SERTM1: variants seen among roughly 807,000 people sequenced by gnomAD.
SERTM1 encodes serine-rich and transmembrane domain-containing protein 1.
SERTM1 carries 1 observed loss-of-function variant against 5.5 expected under a neutral mutation model. The observed-to-expected ratio is 0.18, with a 90% CI of 0.06 to 0.86. SERTM1 has a LOEUF of 0.86. Among genes scored for constraint, SERTM1 ranks in the 40% least tolerant of loss-of-function variants. The probability of loss-of-function intolerance (pLI) is 0.69; values close to 1 mark genes in which losing one functional copy is unlikely to be tolerated. For missense variants in SERTM1, 91 were observed against 122.4 expected (o/e 0.74, Z 1.21); for synonymous variants, 52 against 55.1 (o/e 0.94, Z 0.25).
rs1428587335 is a variant in SERTM1 at position 36,696,465 on chromosome 13, A to G, written c.*1063A>G. ...TGCGTCTCTGATAATTAGTTGTTGT[A>G]TGTTAACATAATACTCTACATTAGG... On this transcript the variant is annotated 3_prime_UTR_variant, in exon 2 of 2. Transcript: ENST00000315190. 6.0e-6 allele frequency: 1 copy of G among 166,926 alleles called. No homozygotes were observed. The highest frequency in any genetic ancestry group is 2.4e-5 in the African/African-American group (1 of 41,450). The allele number at this position is 166,926 out of a possible 1,614,324, so 10.3% of individuals were successfully genotyped here.
intron 1 of SERTM1, among the ~76,000 whole-genome samples, chr13:36,679,390 T>A (rs1019588122): frequency 5.9e-5 from 9 of 152,078 alleles, no homozygotes; most frequent in African/African-American, 2.2e-4. Context: ...TTTGTTTGTT[T>A]GTTTTGTTTT....
chr13:36,681,408 T>C (rs2056704314), intron 1 of SERTM1, among the ~76,000 whole-genome samples: 1 of 152,212 alleles, frequency 6.6e-6, no homozygotes, highest in Non-Finnish European at 1.5e-5. Context: ...AAGTAGCACT[T>C]TGTAGTCAAA....
intron 1 of SERTM1, among the ~76,000 whole-genome samples, chr13:36,676,484 A>C (rs2056670804): frequency 6.6e-6 from 1 of 152,170 alleles, no homozygotes; most frequent in Admixed American, 6.5e-5. Context: ...GAAGAAGTGA[A>C]AAATAAAATT....
At chr13:36,675,383 T>G (rs2056663492) in intron 1 of SERTM1, among the ~76,000 whole-genome samples, 1 of 152,158 alleles carries the variant, frequency 6.6e-6, no homozygotes, top group South Asian at 2.1e-4. Flanking sequence ...TTCTCCTAGG[T>G]GCCTTCTCCT....
At chr13:36,690,643 A>G (rs564315813) in intron 1 of SERTM1, among the ~76,000 whole-genome samples, 5 of 152,240 alleles carry the variant, frequency 3.3e-5, no homozygotes, top group Non-Finnish European at 7.3e-5. Context: ...TCTAAATAGA[A>G]TGAAAAACAG....
chr13:36,675,426 G>T (rs2056663758), intron 1 of SERTM1, among the ~76,000 whole-genome samples: 1 of 152,166 alleles, frequency 6.6e-6, no homozygotes. Flanking sequence ...TCAGACAACA[G>T]CCTGTCAACA....
chr13:36,684,211 C>A (rs531064447), intron 1 of SERTM1, among the ~76,000 whole-genome samples: 15 of 152,112 alleles, frequency 9.9e-5, no homozygotes, highest in African/African-American at 3.6e-4. Flanking sequence ...GCATGAGAAT[C>A]GCTTGAACCC....
intron 1 of SERTM1, among the ~76,000 whole-genome samples, chr13:36,686,785 T>A (rs904047615): frequency 6.6e-6 from 1 of 152,192 alleles, no homozygotes; most frequent in Non-Finnish European, 1.5e-5. Flanking sequence ...AAAGCTGGTT[T>A]TTTTAATTGA....
At chr13:36,693,087 G>A (rs1445300987) in intron 1 of SERTM1, among the ~76,000 whole-genome samples, 2 of 152,230 alleles carry the variant, frequency 1.3e-5, no homozygotes, top group African/African-American at 4.8e-5. Context: ...GGGGGTGAGG[G>A]TGGGGAGAAG....
intron 1 of SERTM1, among the ~76,000 whole-genome samples, chr13:36,683,316 C>G (rs562309091): frequency 6.6e-6 from 1 of 152,164 alleles, no homozygotes; most frequent in African/African-American, 2.4e-5. Flanking sequence ...GCCTTGAAAA[C>G]CTTCTTTCTC....
At chr13:36,682,147 A>T (rs2056709447) in intron 1 of SERTM1, among the ~76,000 whole-genome samples, 1 of 152,194 alleles carries the variant, frequency 6.6e-6, no homozygotes, top group South Asian at 2.1e-4. Context: ...TTAAATAAAC[A>T]TTCTTTTGCC....
At chr13:36,693,460 G>A (rs2138099968) in intron 1 of SERTM1, among the ~76,000 whole-genome samples, 2 of 151,434 alleles carry the variant, frequency 1.3e-5, no homozygotes, top group Admixed American at 1.3e-4. Flanking sequence ...AAAATCACCA[G>A]GCAATGCAAA....
chr13:36,688,474 A>G (rs1373344845), intron 1 of SERTM1, among the ~76,000 whole-genome samples: 1 of 152,118 alleles, frequency 6.6e-6, no homozygotes, highest in Admixed American at 6.6e-5. Context: ...CAGCCTCCCA[A>G]AGTGCTGGGA....
chr13:36,691,147 G>A (rs144937462), intron 1 of SERTM1, among the ~76,000 whole-genome samples: 39 of 152,322 alleles, frequency 2.6e-4, no homozygotes, highest in African/African-American at 7.9e-4. Flanking sequence ...GGGCCCATGC[G>A]CTGACTGCCA....
rs2056811208 is a variant in SERTM1 at position 36,695,984 on chromosome 13, T to C, written c.*582T>C. ...TAAAAATCACACTTATTGATGAATG[T>C]AAGTCATTTGGGAAAGTTTTGGAAG... On this transcript the variant is annotated 3_prime_UTR_variant, in exon 2 of 2. Transcript: ENST00000315190. 1 of 167,196 alleles carries C rather than the reference T, an allele frequency of 6.0e-6. No homozygotes were observed. The highest frequency in any genetic ancestry group is 1.5e-5 in the Non-Finnish European group (1 of 68,218). The allele number at this position is 167,196 out of a possible 1,614,324, so 10.4% of individuals were successfully genotyped here. A position where few individuals can be genotyped will look rare whatever the true frequency, so the allele number is the denominator to read the frequency against.
chr13:36,688,696 C>T (rs561532909), intron 1 of SERTM1, among the ~76,000 whole-genome samples: 1 of 152,322 alleles, frequency 6.6e-6, no homozygotes, highest in South Asian at 2.1e-4. Context: ...CAAAAGCTCT[C>T]ATTTAAAATG....
In SERTM1 at chr13:36,696,505, G is replaced by A. The variant is rs2056815001; in HGVS notation, c.*1103G>A. The stretch of plus-strand genomic sequence containing the variant: ...TCTACATTAGGATTTCAGGATGTGA[G>A]TTTGTATTAAAAATTGTAGGCACTC... On this transcript the variant is annotated 3_prime_UTR_variant, in exon 2 of 2. Transcript: ENST00000315190. 1 of 167,016 alleles carries A rather than the reference G, an allele frequency of 6.0e-6. No individual in the cohort carries two copies. The highest frequency in any genetic ancestry group is 1.5e-5 in the Non-Finnish European group (1 of 68,116). 10.3% of individuals were successfully genotyped at this position (167,016 alleles called of 1,614,324 possible). A position where few individuals can be genotyped will look rare whatever the true frequency, so the allele number is the denominator to read the frequency against.
chr13:36,684,407 A>G (rs926150849), intron 1 of SERTM1, among the ~76,000 whole-genome samples: 1 of 152,216 alleles, frequency 6.6e-6, no homozygotes, highest in African/African-American at 2.4e-5. Flanking sequence ...ACATACATAT[A>G]CAGACACACA....
intron 1 of SERTM1, among the ~76,000 whole-genome samples, chr13:36,686,990 A>G (rs1029891242): frequency 2.0e-5 from 3 of 152,176 alleles, no homozygotes; most frequent in African/African-American, 4.8e-5. Context: ...TAGCCATTTT[A>G]CTCTTGAAAG....
Sources: gnomAD v4.1 joint callset for allele counts (sites outside exome capture counted in the v4.1 genomes callset) on GRCh38, gnomAD v4.1.1 for gene constraint, MANE v1.5 for transcripts, NCBI Gene and HGNC (gene_info 2026-07-23, HGNC 2026-07-21) for gene names.